Variants in CADPS2 observed in about 807,000 individuals in gnomAD.
CADPS2 encodes the protein calcium dependent secretion activator 2, also known as calcium-dependent secretion activator 2.
Under a neutral mutation model 172.5 loss-of-function variants are expected in CADPS2, and 93 were observed. That is an observed-to-expected ratio of 0.54 (90% CI 0.46 to 0.64). The LOEUF (loss-of-function observed/expected upper bound fraction) is 0.64, where lower values mean the gene tolerates loss of function less well. Among genes scored for constraint, CADPS2 ranks in the 30% least tolerant of loss-of-function variants. The probability of loss-of-function intolerance (pLI) is 0.00; values close to 1 mark genes in which losing one functional copy is unlikely to be tolerated. For synonymous variants in CADPS2, 546 were observed against 555.2 expected, an observed-to-expected ratio of 0.98 and a Z score of 0.23; for missense variants, 1,420 against 1,565.9, an observed-to-expected ratio of 0.91 and a Z score of 1.57.
intron 1 of CADPS2, among the ~76,000 whole-genome samples, chr7:122,774,230 CTT>C (rs2093797251): frequency 6.6e-6 from 1 of 150,696 alleles, no homozygotes; most frequent in Non-Finnish European, 1.5e-5. Flanking sequence ...ATTCAAGTCT[CTT>C]CAACAACAAA....
chr7:122,329,278 C>T (rs1294260955), intron 28 of CADPS2, among the ~76,000 whole-genome samples: 1 of 152,190 alleles, frequency 6.6e-6, no homozygotes, highest in Non-Finnish European at 1.5e-5. Context: ...TGATCCCCAA[C>T]TGTGTCAGCA....
At chr7:122,490,570 G>A (rs2152306730) in intron 10 of CADPS2, among the ~76,000 whole-genome samples, 2 of 152,156 alleles carry the variant, frequency 1.3e-5, no homozygotes, top group South Asian at 2.1e-4. Context: ...GAAATGCATA[G>A]CACAATCTGA....
At chr7:122,481,095 G>A (rs1265047262) in intron 11 of CADPS2, among the ~76,000 whole-genome samples, 1 of 151,804 alleles carries the variant, frequency 6.6e-6, no homozygotes, top group African/African-American at 2.4e-5. Context: ...GGAATTCATG[G>A]CATTTCTCTG....
At position 122,319,969 on chromosome 7, in the gene CADPS2, AC is replaced by A; in HGVS notation, c.*195del. Reference sequence around the variant, plus strand: ...TCCAAAAAAACAAACAAACAAACAAACAAAAAAAGGAAACAAAAAAACCCCA... The same window carrying A: ...TCCAAAAAAACAAACAAACAAACAAAAAAAAAAGGAAACAAAAAAACCCCA... On this transcript the variant is annotated 3_prime_UTR_variant, in exon 30 of 30. Coordinates refer to ENST00000449022, the MANE Select transcript of CADPS2 (RefSeq NM_017954.11). The A allele has an allele frequency of 2.1e-6, 1 of 474,598 alleles. No individual in the cohort carries two copies. The allele number at this position is 474,598 out of a possible 1,614,324, so 29.4% of individuals were successfully genotyped here. A position where few individuals can be genotyped will look rare whatever the true frequency, so the allele number is the denominator to read the frequency against.
intron 1 of CADPS2, among the ~76,000 whole-genome samples, chr7:122,863,848 G>A (rs958982066): frequency 3.3e-5 from 5 of 152,102 alleles, no homozygotes; most frequent in Admixed American, 2.0e-4. Flanking sequence ...TGGCCAACAT[G>A]GCAAAACCCC....
intron 27 of CADPS2, among the ~76,000 whole-genome samples, chr7:122,349,084 G>GT (rs2038135950): frequency 7.7e-6 from 1 of 129,422 alleles, no homozygotes; most frequent in African/African-American, 2.9e-5. Flanking sequence ...ATTTTTGTGG[G>GT]GTTTTTTTTG....
At chr7:122,816,958 C>T (rs1171915561) in intron 1 of CADPS2, among the ~76,000 whole-genome samples, 4 of 151,374 alleles carry the variant, frequency 2.6e-5, no homozygotes, top group African/African-American at 4.9e-5. Context: ...CAAAAAGCAC[C>T]CCCACTGAAC....
chr7:122,448,777 A>G (rs2052647270), intron 15 of CADPS2, among the ~76,000 whole-genome samples: 1 of 152,154 alleles, frequency 6.6e-6, no homozygotes, highest in Admixed American at 6.6e-5. Flanking sequence ...GATATAAAAA[A>G]TACTTTGCTA....
intron 8 of CADPS2, among the ~76,000 whole-genome samples, chr7:122,541,803 A>C (rs1471594208): frequency 5.1e-5 from 6 of 116,606 alleles, no homozygotes; most frequent in Non-Finnish European, 1.1e-4. Flanking sequence ...ATATTCATAT[A>C]TATTTATATA....
At chr7:122,846,485 T>C (rs1419797836) in intron 1 of CADPS2, among the ~76,000 whole-genome samples, 1 of 152,214 alleles carries the variant, frequency 6.6e-6, no homozygotes, top group Non-Finnish European at 1.5e-5. Context: ...GAATGAGGTA[T>C]TTGAAATGCC....
At chr7:122,729,897 T>C (rs1342859374) in intron 2 of CADPS2, among the ~76,000 whole-genome samples, 1 of 151,616 alleles carries the variant, frequency 6.6e-6, no homozygotes, top group Non-Finnish European at 1.5e-5. Context: ...GAGGGAAGTA[T>C]GATGTAAATC....
intron 8 of CADPS2, among the ~76,000 whole-genome samples, chr7:122,546,894 A>G (rs2063678044): frequency 6.6e-6 from 1 of 152,110 alleles, no homozygotes; most frequent in South Asian, 2.1e-4. Flanking sequence ...TATTTTCATG[A>G]ATTATTTTTG....
chr7:122,547,771 CAG>C (rs2063774370), intron 8 of CADPS2, among the ~76,000 whole-genome samples: 1 of 151,990 alleles, frequency 6.6e-6, no homozygotes, highest in African/African-American at 2.4e-5. Context: ...GAATTGGAAG[CAG>C]AGAGAGAAGG....
chr7:122,719,513 GAA>G (rs1468002723), intron 2 of CADPS2, among the ~76,000 whole-genome samples: 1 of 152,154 alleles, frequency 6.6e-6, no homozygotes. Context: ...AAGAGAGAGA[GAA>G]AAGGCTGGTC....
At chr7:122,508,277 A>G (rs185789800) in intron 9 of CADPS2, among the ~76,000 whole-genome samples, 110 of 152,064 alleles carry the variant, frequency 7.2e-4, no homozygotes, top group African/African-American at 2.5e-3. Flanking sequence ...GAAGATTAAT[A>G]TACAAGAATT....
At chr7:122,323,874 TATATATA>T (rs563099906) in intron 29 of CADPS2, among the ~76,000 whole-genome samples, 7 of 15,000 alleles carry the variant, frequency 4.7e-4, no homozygotes, top group Admixed American at 6.6e-4. Flanking sequence ...ATGTATATTT[TATATATA>T]TATATATATA....
rs74691758 is a variant in CADPS2 at position 122,677,924 on chromosome 7, C to T, written c.454-14355G>A. On this transcript the variant is annotated intron_variant, in intron 2 of 29. Coordinates refer to ENST00000449022, the MANE Select transcript of CADPS2 (RefSeq NM_017954.11). The stretch of plus-strand genomic sequence containing the variant: ...CATTCCGCAGCTTGATGGTATTTCT[C>T]TATTCTAAGCCATCTTAATACTTTC... 5.3e-5 allele frequency among the ~76,000 whole-genome samples: 8 copies of T among 152,320 alleles called. No individual in the cohort carries two copies. The East Asian group carries it at 1.5e-3, about 29-fold the overall frequency.
intron 6 of CADPS2, among the ~76,000 whole-genome samples, chr7:122,614,576 A>G (rs373124975): frequency 1.3e-5 from 2 of 152,342 alleles, no homozygotes; most frequent in East Asian, 1.9e-4. Context: ...GGTTGTTTCT[A>G]CTAGAGACCA....
At chr7:122,450,027 A>G (rs1400539159) in intron 15 of CADPS2, among the ~76,000 whole-genome samples, 1 of 152,226 alleles carries the variant, frequency 6.6e-6, no homozygotes, top group African/African-American at 2.4e-5. Context: ...AAAAAATCAC[A>G]GAGTCTAAGA....
Sources: allele counts gnomAD v4.1 joint callset (sites outside exome capture counted in the v4.1 genomes callset), GRCh38; gene constraint gnomAD v4.1.1; transcripts MANE v1.5; gene names NCBI Gene and HGNC (gene_info 2026-07-23, HGNC 2026-07-21).